ITPR1: variants seen among roughly 807,000 people sequenced by gnomAD.
ITPR1 encodes inositol 1,4,5-trisphosphate receptor type 1, also known as inositol 1,4,5-trisphosphate-gated calcium channel ITPR1.
ITPR1 carries 96 observed loss-of-function variants against 318.4 expected under a neutral mutation model. The ratio of observed to expected loss-of-function variants is 0.30; its 90% CI spans 0.26 to 0.36. ITPR1 has a LOEUF of 0.36. ITPR1 is among the 10% of genes least tolerant of loss of function. The pLI, the probability that ITPR1 is intolerant of heterozygous loss-of-function variation, is 1.00. For synonymous variants in ITPR1, 1,312 were observed against 1,289.9 expected, an observed-to-expected ratio of 1.02 and a Z score of -0.37; for missense variants, 2,440 against 3,460.2, an observed-to-expected ratio of 0.71 and a Z score of 7.40.
intron 2 of ITPR1, among the ~76,000 whole-genome samples, chr3:4,514,315 T>C (rs2082038614): frequency 6.6e-6 from 1 of 152,166 alleles, no homozygotes; most frequent in Non-Finnish European, 1.5e-5. Flanking sequence ...CCTTGATAAA[T>C]GCCAGCTATT....
chr3:4,712,243 C>G (rs539053958), intron 39 of ITPR1, among the ~76,000 whole-genome samples: 1 of 152,172 alleles, frequency 6.6e-6, no homozygotes, highest in Non-Finnish European at 1.5e-5. Context: ...GTTTACTTGC[C>G]TCGTTCAGAT....
At chr3:4,749,433 A>G (rs1380731259) in intron 44 of ITPR1, 3 of 152,126 alleles carry the variant, frequency 2.0e-5, no homozygotes, top group African/African-American at 4.8e-5. Context: ...CCTATGGGGT[A>G]TTTTGTTTTG....
intron 4 of ITPR1, among the ~76,000 whole-genome samples, chr3:4,607,812 G>T (rs923670732): frequency 1.9e-4 from 29 of 152,058 alleles, no homozygotes; most frequent in African/African-American, 6.8e-4. Flanking sequence ...AACAAAACTT[G>T]AAAAGATACC....
chr3:4,508,476 T>TTTTTA (rs1553604497), intron 2 of ITPR1, among the ~76,000 whole-genome samples: 1 of 149,554 alleles, frequency 6.7e-6, no homozygotes, highest in African/African-American at 2.5e-5. Context: ...TTTTTTTTTT[T>TTTTTA]AAATGAATGT....
chr3:4,668,702 G>A (rs150595727), intron 18 of ITPR1, among the ~76,000 whole-genome samples: 1 of 152,202 alleles, frequency 6.6e-6, no homozygotes, highest in Non-Finnish European at 1.5e-5. Context: ...TCCTGACCTC[G>A]TGATCTGTCC....
rs570598579 is a variant in ITPR1 at position 4,635,497 on chromosome 3, C to T, written c.280-3887C>T. Reference sequence around the variant, plus strand: ...CTGGGACTACAGGTGCCCGCCACCACGCCCGGCTAATTTTTTGTATTTTTT... The same window carrying T: ...CTGGGACTACAGGTGCCCGCCACCATGCCCGGCTAATTTTTTGTATTTTTT... On this transcript the variant is annotated intron_variant, in intron 5 of 61. Coordinates refer to ENST00000649015, the MANE Select transcript of ITPR1 (RefSeq NM_001378452.1). Among the ~76,000 whole-genome samples the T allele has an allele frequency of 5.0e-4, 76 of 151,618 alleles. 1 individual carries two copies. The highest frequency in any genetic ancestry group is 7.2e-4 in the Non-Finnish European group (49 of 67,874).
chr3:4,508,797 G>A (rs2081584253), intron 2 of ITPR1, among the ~76,000 whole-genome samples: 1 of 152,116 alleles, frequency 6.6e-6, no homozygotes, highest in Admixed American at 6.5e-5. Context: ...GAAGGCGGGG[G>A]AGTTGAGTTG....
chr3:4,817,982 T>TG, intron 59 of ITPR1, 100 bp from the exon 60 acceptor site: 1 of 931,410 alleles, frequency 1.1e-6, no homozygotes, highest in East Asian at 2.7e-5. Context: ...AAGACAGGAG[T>TG]GAAACCACAG....
intron 50 of ITPR1, among the ~76,000 whole-genome samples, chr3:4,783,030 A>C (rs1012313527): frequency 6.6e-6 from 1 of 152,184 alleles, no homozygotes; most frequent in African/African-American, 2.4e-5. Flanking sequence ...CTCTGTCTGG[A>C]GACAGTTGAA....
At chr3:4,563,441 C>T (rs1370255575) in intron 4 of ITPR1, among the ~76,000 whole-genome samples, 1 of 151,986 alleles carries the variant, frequency 6.6e-6, no homozygotes, top group Admixed American at 6.5e-5. Flanking sequence ...CCTGGGAGAT[C>T]GAGGCTGCAG....
chr3:4,787,292 C>T (rs999554586), intron 51 of ITPR1, among the ~76,000 whole-genome samples: 2 of 130,340 alleles, frequency 1.5e-5, no homozygotes, highest in Middle Eastern at 5.1e-3. Flanking sequence ...GAGCTGAGAT[C>T]GCACCACCAT....
chr3:4,685,377 G>T (rs1399606206), intron 30 of ITPR1, among the ~76,000 whole-genome samples, 171 bp downstream of exon 30: 1 of 152,248 alleles, frequency 6.6e-6, no homozygotes, highest in Admixed American at 6.5e-5. Flanking sequence ...GAAAAATAAA[G>T]TAAAATCACC....
chr3:4,557,994 T>C (rs1182297336), intron 4 of ITPR1, among the ~76,000 whole-genome samples: 1 of 152,232 alleles, frequency 6.6e-6, no homozygotes, highest in African/African-American at 2.4e-5. Context: ...CTTTCTTTTC[T>C]CTTTCCTACA....
intron 4 of ITPR1, among the ~76,000 whole-genome samples, chr3:4,540,065 C>T (rs2084285646): frequency 6.7e-6 from 1 of 150,356 alleles, no homozygotes; most frequent in South Asian, 2.1e-4. Flanking sequence ...AAAATTCTCA[C>T]TGTGACAGTA....
chr3:4,528,684 C>A (rs904517843), intron 4 of ITPR1, among the ~76,000 whole-genome samples: 3 of 152,046 alleles, frequency 2.0e-5, no homozygotes, highest in African/African-American at 7.2e-5. Context: ...TTCTGCCTGT[C>A]TTGTTAAATA....
chr3:4,645,797 CTCTA>C (rs752652808), intron 10 of ITPR1, 69 bp downstream of exon 10: 4 of 1,420,066 alleles, frequency 2.8e-6, no homozygotes. Context: ...CTCTCTCTCT[CTCTA>C]TCCTACAAAT....
intron 38 of ITPR1, among the ~76,000 whole-genome samples, chr3:4,711,166 G>A (rs757851802): frequency 4.9e-5 from 7 of 144,174 alleles, no homozygotes; most frequent in East Asian, 2.0e-4. Context: ...AGCCAAGATC[G>A]CGCTACTGCA....
chr3:4,824,572 G>A (rs534892563), intron 60 of ITPR1, among the ~76,000 whole-genome samples: 40 of 152,208 alleles, frequency 2.6e-4, no homozygotes, highest in African/African-American at 9.2e-4. Context: ...TTGGACTGGC[G>A]CATCTTAGAC....
At chr3:4,811,571 C>G in intron 56 of ITPR1, 111 bp downstream of exon 56, 1 of 780,036 alleles carries the variant, frequency 1.3e-6, no homozygotes, top group Non-Finnish European at 2.0e-6. Context: ...CATTGTATCT[C>G]CCTAACACGC....
Sources: allele counts gnomAD v4.1 joint callset (sites outside exome capture counted in the v4.1 genomes callset), GRCh38; gene constraint gnomAD v4.1.1; transcripts MANE v1.5; gene names NCBI Gene and HGNC (gene_info 2026-07-23, HGNC 2026-07-21).